Variants in CCDC81 observed in about 807,000 individuals in gnomAD.
The protein encoded by CCDC81 is coiled-coil domain-containing protein 81.
Under a neutral mutation model 83.7 loss-of-function variants are expected in CCDC81, and 79 were observed. That is an observed-to-expected ratio of 0.94 (90% confidence interval 0.79 to 1.14). The LOEUF is 1.14. CCDC81 is among the 50% of genes most tolerant of loss of function. CCDC81 has a pLI of 0.00. For synonymous variants in CCDC81, 252 were observed against 278.1 expected (o/e 0.91, Z 0.93); for missense variants, 791 against 778.1 (o/e 1.02, Z -0.20).
intron 6 of CCDC81, 82 bp from the exon 7 acceptor site, chr11:86,400,596 A>T: frequency 3.7e-6 from 5 of 1,366,276 alleles, no homozygotes; most frequent in Non-Finnish European, 5.0e-6. Flanking sequence ...TCTTATATGA[A>T]AATTTCCCTT....
At chr11:86,412,860 A>G (rs1948666558) in intron 11 of CCDC81, among the ~76,000 whole-genome samples, 1 of 152,188 alleles carries the variant, frequency 6.6e-6, no homozygotes, top group Admixed American at 6.5e-5. Flanking sequence ...GAATGTTTAC[A>G]GCTCCTGAAG....
At position 86,409,249 on chromosome 11, in the gene CCDC81, TTTA is replaced by T; in HGVS notation, c.1114-11_1114-9del. The T allele has an allele frequency of 7.5e-7, 1 of 1,325,182 alleles. No individual in the cohort carries two copies. The highest frequency in any genetic ancestry group is 1.0e-6 in the Non-Finnish European group (1 of 994,690). 82.1% of individuals were successfully genotyped at this position (1,325,182 alleles called of 1,614,324 possible). Reference sequence around the variant, plus strand: ...AATTTAAAAATAAACTTTTTTTTTTTTTAAACAATAGATGAAAAGTCTGGCTAC... The same window carrying T: ...AATTTAAAAATAAACTTTTTTTTTTTAACAATAGATGAAAAGTCTGGCTAC... On this transcript the variant is annotated splice_polypyrimidine_tract_variant and intron_variant, in intron 9 of 14. Coordinates refer to ENST00000445632, the MANE Select transcript of CCDC81 (RefSeq NM_001156474.2).
Position 86,375,107 on chromosome 11 carries a change from A to G in CCDC81, c.-57A>G, listed in dbSNP as rs1948081832. ...GGAAAATTATTTTTGTGCACATTCC[A>G]TATAAGAAAGAAGAGACCCATCGAA... On this transcript the variant is annotated 5_prime_UTR_variant, in exon 1 of 15. Coordinates refer to ENST00000445632, the MANE Select transcript of CCDC81 (RefSeq NM_001156474.2). 7 of 1,431,872 alleles carry G rather than the reference A, an allele frequency of 4.9e-6. No homozygotes were observed. The highest frequency in any genetic ancestry group is 6.9e-6 in the Non-Finnish European group (7 of 1,014,312). 88.7% of individuals were successfully genotyped at this position (1,431,872 alleles called of 1,614,324 possible).
chr11:86,418,418 G>A (rs1285390124), intron 13 of CCDC81, among the ~76,000 whole-genome samples: 3 of 152,144 alleles, frequency 2.0e-5, no homozygotes, highest in African/African-American at 7.2e-5. Context: ...GTTCATAGCA[G>A]CACTTTTTGT....
intron 7 of CCDC81, among the ~76,000 whole-genome samples, chr11:86,403,277 A>G (rs1332916520): frequency 6.6e-6 from 1 of 152,060 alleles, no homozygotes; most frequent in Non-Finnish European, 1.5e-5. Flanking sequence ...TATTTTTATA[A>G]AGAGAACTTC....
chr11:86,397,880 C>A, intron 6 of CCDC81, 138 bp downstream of exon 6: 1 of 972,412 alleles, frequency 1.0e-6, no homozygotes, highest in Non-Finnish European at 1.4e-6. Context: ...GAGATGGAGT[C>A]TCGCTGTTGC....
intron 6 of CCDC81, among the ~76,000 whole-genome samples, chr11:86,398,292 G>C (rs1266513799): frequency 6.6e-6 from 1 of 152,106 alleles, no homozygotes; most frequent in African/African-American, 2.4e-5. Flanking sequence ...TGCTCAAAGG[G>C]GCCAAAACTC....
intron 3 of CCDC81, among the ~76,000 whole-genome samples, chr11:86,390,598 C>T (rs1227750765): frequency 6.6e-6 from 1 of 152,072 alleles, no homozygotes; most frequent in Admixed American, 6.6e-5. Flanking sequence ...TGAACGAAGA[C>T]AGTGATCAGG....
chr11:86,399,508 G>A (rs1948455470), intron 6 of CCDC81, among the ~76,000 whole-genome samples: 1 of 151,980 alleles, frequency 6.6e-6, no homozygotes, highest in Non-Finnish European at 1.5e-5. Flanking sequence ...TAGAAACAGG[G>A]TTTTGCCATG....
intron 4 of CCDC81, among the ~76,000 whole-genome samples, chr11:86,394,567 C>T (rs1218408384): frequency 1.3e-5 from 2 of 152,166 alleles, no homozygotes; most frequent in African/African-American, 4.8e-5. Context: ...CCAAATGACC[C>T]GTAACTTAAA....
At chr11:86,376,688 A>G (rs1948102917) in intron 1 of CCDC81, among the ~76,000 whole-genome samples, 1 of 152,224 alleles carries the variant, frequency 6.6e-6, no homozygotes, top group African/African-American at 2.4e-5. Flanking sequence ...GCCTAACCAT[A>G]TCAGACAGAG....
intron 7 of CCDC81, among the ~76,000 whole-genome samples, chr11:86,403,602 T>G (rs1279691997): frequency 3.3e-5 from 5 of 152,196 alleles, no homozygotes; most frequent in Admixed American, 2.6e-4. Context: ...GGCAGTAGTC[T>G]AGGCAATCTG....
At chr11:86,400,143 A>G (rs1007295141) in intron 6 of CCDC81, among the ~76,000 whole-genome samples, 3 of 151,748 alleles carry the variant, frequency 2.0e-5, no homozygotes, top group African/African-American at 4.8e-5. Flanking sequence ...AAAAAAAAAA[A>G]AAAAAGAAAA....
At chr11:86,378,695 A>G (rs1197581225) in intron 1 of CCDC81, among the ~76,000 whole-genome samples, 1 of 152,176 alleles carries the variant, frequency 6.6e-6, no homozygotes, top group African/African-American at 2.4e-5. Flanking sequence ...GTCTTCTTGA[A>G]AGATTGACCC....
chr11:86,402,922 T>G (rs1488830305), intron 7 of CCDC81, among the ~76,000 whole-genome samples: 6 of 152,020 alleles, frequency 3.9e-5, no homozygotes, highest in Non-Finnish European at 7.4e-5. Context: ...CACTGCAGCC[T>G]CAACCTGCTG....
In CCDC81 at chr11:86,378,980, G is replaced by T. The variant is rs547544951; in HGVS notation, c.79+3738G>T. On this transcript the variant is annotated intron_variant, in intron 1 of 14. Transcript: ENST00000445632. ...TTCAAAGTGATTACTGATATAGCTA[G>T]ATTAATACCTACCATATTTGTTATT... is the stretch of plus-strand genomic sequence containing the variant. 7.2e-5 allele frequency among the ~76,000 whole-genome samples: 11 copies of T among 152,188 alleles called. No individual in the cohort carries two copies. The South Asian group carries it at 1.5e-3, about 20-fold the overall frequency.
Position 86,412,709 on chromosome 11 carries a change from G to A in CCDC81, c.1391+150G>A. 2.7e-6 allele frequency: 2 copies of A among 727,772 alleles called. 1 individual carries two copies. The highest frequency in any genetic ancestry group is 6.4e-5 in the Admixed American group (2 of 31,220). 45.1% of individuals were successfully genotyped at this position (727,772 alleles called of 1,614,324 possible). ...CCCAGTTAGCAGCCAGTACTGAAAT[G>A]GGAAAAGTTCCCTCGTCCCCCTCGC... On this transcript the variant is annotated intron_variant, in intron 11 of 14. Coordinates refer to ENST00000445632, the MANE Select transcript of CCDC81 (RefSeq NM_001156474.2).
At chr11:86,406,513 A>G (rs866925587) in intron 7 of CCDC81, among the ~76,000 whole-genome samples, 2 of 152,042 alleles carry the variant, frequency 1.3e-5, no homozygotes, top group South Asian at 2.1e-4. Flanking sequence ...ACTTTTAAAT[A>G]TTTTCATTCT....
intron 4 of CCDC81, chr11:86,395,052 G>T: frequency 4.2e-6 from 1 of 239,032 alleles, no homozygotes; most frequent in Non-Finnish European, 8.0e-6. Flanking sequence ...TCTTCTTAAA[G>T]ACATCTAAAA....
Sources: allele counts gnomAD v4.1 joint callset (sites outside exome capture counted in the v4.1 genomes callset), GRCh38; gene constraint gnomAD v4.1.1; transcripts MANE v1.5; gene names NCBI Gene and HGNC (gene_info 2026-07-23, HGNC 2026-07-21).